Variants in REDIC1 observed in about 807,000 individuals in gnomAD.
REDIC1 encodes regulator of DNA class I crossover intermediates 1, also known as HEI10 Interacting Protein 1.
chr12:39,671,629 C>T, the REDIC1 span, among the ~76,000 whole-genome samples: 1 of 152,008 alleles, frequency 6.6e-6, no homozygotes, highest in Non-Finnish European at 1.5e-5. Context: ...GGACGGACAA[C>T]CCTCAGGTTT....
the REDIC1 span, among the ~76,000 whole-genome samples, chr12:39,713,585 CAT>C: frequency 5.4e-5 from 8 of 148,234 alleles, no homozygotes; most frequent in East Asian, 1.6e-3. Flanking sequence ...TATGTATACA[CAT>C]GTATAGATAC....
the REDIC1 span, among the ~76,000 whole-genome samples, chr12:39,694,697 T>C: frequency 2.6e-5 from 4 of 152,006 alleles, no homozygotes; most frequent in Non-Finnish European, 5.9e-5. Context: ...CCTAGGTGAG[T>C]CCTAGTGCTG....
the REDIC1 span, among the ~76,000 whole-genome samples, chr12:39,656,345 A>G: frequency 6.6e-6 from 1 of 152,208 alleles, no homozygotes; most frequent in Non-Finnish European, 1.5e-5. Flanking sequence ...AATGGAGCTG[A>G]AAAATTCCTA....
chr12:39,779,012 G>A, the REDIC1 span, among the ~76,000 whole-genome samples: 3 of 152,070 alleles, frequency 2.0e-5, no homozygotes, highest in African/African-American at 7.2e-5. Context: ...CCAGGACGTA[G>A]GTAATACATG....
the REDIC1 span, among the ~76,000 whole-genome samples, chr12:39,633,068 A>C: frequency 6.6e-6 from 1 of 151,762 alleles, no homozygotes; most frequent in African/African-American, 2.4e-5. Context: ...TTACTTTATA[A>C]ACTTTCTTTT....
At chr12:39,886,441 G>T in the REDIC1 span, among the ~76,000 whole-genome samples, 15 of 152,120 alleles carry the variant, frequency 9.9e-5, no homozygotes, top group South Asian at 3.1e-3. Flanking sequence ...ATGTATATAT[G>T]AAGTGTGATC....
At chr12:39,763,831 A>G in the REDIC1 span, among the ~76,000 whole-genome samples, 4 of 152,160 alleles carry the variant, frequency 2.6e-5, no homozygotes, top group East Asian at 1.9e-4. Context: ...ACTAAGCACT[A>G]TTGTTTTTCA....
chr12:39,851,323 C>A, the REDIC1 span, among the ~76,000 whole-genome samples: 1 of 151,996 alleles, frequency 6.6e-6, no homozygotes, highest in Non-Finnish European at 1.5e-5. Context: ...TTTGTGAAGA[C>A]TAATGAGAAT....
chr12:39,753,878 T>A, the REDIC1 span, among the ~76,000 whole-genome samples: 1 of 152,146 alleles, frequency 6.6e-6, no homozygotes, highest in South Asian at 2.1e-4. Context: ...GGTTCAGTAA[T>A]TTAGGTTACT....
the REDIC1 span, among the ~76,000 whole-genome samples, chr12:39,714,283 ACGTATATG>A: frequency 6.9e-6 from 1 of 144,954 alleles, no homozygotes; most frequent in Non-Finnish European, 1.5e-5. Flanking sequence ...ATATGTATAT[ACGTATATG>A]CATGCATATA....
At chr12:39,631,844 T>C in the REDIC1 span, among the ~76,000 whole-genome samples, 1 of 152,128 alleles carries the variant, frequency 6.6e-6, no homozygotes, top group African/African-American at 2.4e-5. Flanking sequence ...AGAATTTAAA[T>C]ATAAGGAATC....
At chr12:39,768,882 T>A in the REDIC1 span, among the ~76,000 whole-genome samples, 1 of 152,086 alleles carries the variant, frequency 6.6e-6, no homozygotes, top group African/African-American at 2.4e-5. Flanking sequence ...ACCTTCGGTT[T>A]GTAAAACAAA....
At chr12:39,902,214 T>G in the REDIC1 span, among the ~76,000 whole-genome samples, 1 of 137,062 alleles carries the variant, frequency 7.3e-6, no homozygotes, top group Non-Finnish European at 1.6e-5. Context: ...GGGGGAGGGA[T>G]AGCATTAGGA....
chr12:39,772,924 A>C, the REDIC1 span, among the ~76,000 whole-genome samples: 1 of 152,342 alleles, frequency 6.6e-6, no homozygotes, highest in South Asian at 2.1e-4. Flanking sequence ...AACTTGGCAG[A>C]GTTACATACT....
At chr12:39,782,590 T>C in the REDIC1 span, among the ~76,000 whole-genome samples, 2 of 152,098 alleles carry the variant, frequency 1.3e-5, no homozygotes, top group Non-Finnish European at 2.9e-5. Flanking sequence ...AATGGACTAA[T>C]ACAGTAAATT....
the REDIC1 span, chr12:39,682,983 A>T: frequency 6.2e-7 from 1 of 1,613,424 alleles, no homozygotes; most frequent in Admixed American, 1.7e-5. Flanking sequence ...TTACAGTTCC[A>T]GAGTTGACTT....
At chr12:39,847,195 T>C in the REDIC1 span, among the ~76,000 whole-genome samples, 167 of 152,284 alleles carry the variant, frequency 1.1e-3, 2 homozygotes, top group African/African-American at 3.7e-3. Flanking sequence ...TACTTCCTGC[T>C]GTCAAGCAGA....
the REDIC1 span, among the ~76,000 whole-genome samples, chr12:39,790,515 C>T: frequency 6.6e-6 from 1 of 150,786 alleles, no homozygotes; most frequent in East Asian, 2.0e-4. Context: ...TGATGGTTTC[C>T]AATTTCATCC....
chr12:39,639,144 T>G, the REDIC1 span, among the ~76,000 whole-genome samples: 45 of 152,152 alleles, frequency 3.0e-4, no homozygotes, highest in African/African-American at 1.1e-3. Flanking sequence ...GAGAATAAAC[T>G]GATTTCTCAG....
Sources: gnomAD v4.1 joint callset for allele counts (sites outside exome capture counted in the v4.1 genomes callset) on GRCh38, gnomAD v4.1.1 for gene constraint, MANE v1.5 for transcripts, NCBI Gene and HGNC (gene_info 2026-07-23, HGNC 2026-07-21) for gene names.